The following NAV3 variants were observed in gnomAD, a reference collection of about 807,000 sequenced individuals.
NAV3 encodes the protein neuron navigator 3.
A neutral mutation model predicts 244.7 loss-of-function variants in NAV3; 87 were observed. The observed-to-expected ratio is 0.36, with a 90% CI of 0.30 to 0.42. NAV3 has a LOEUF of 0.42. Among genes scored for constraint, NAV3 ranks in the 20% least tolerant of loss-of-function variants. NAV3 has a pLI of 1.00. For synonymous variants in NAV3, 1,126 were observed against 1,042.2 expected (o/e 1.08, Z -1.55); for missense variants, 2,663 against 2,893.3 (o/e 0.92, Z 1.83).
chr12:77,865,463 C>A (rs140353029), intron 1 of NAV3, among the ~76,000 whole-genome samples: 100 of 152,060 alleles, frequency 6.6e-4, no homozygotes, highest in African/African-American at 2.3e-3. Context: ...ATTTGAGGTT[C>A]TTTTAAACTA....
intron 18 of NAV3, among the ~76,000 whole-genome samples, chr12:78,135,104 T>G (rs1191464771): frequency 6.6e-6 from 1 of 152,220 alleles, no homozygotes; most frequent in Non-Finnish European, 1.5e-5. Flanking sequence ...CACTAGAAGC[T>G]CTTTACCAAT....
chr12:77,798,552 G>A (rs55804497), intron 2 of NAV3, among the ~76,000 whole-genome samples: 18,108 of 46,068 alleles, frequency 0.39, 1,287 homozygotes, highest in East Asian at 0.59. Flanking sequence ...TGAGGAAAGA[G>A]AATAATAGTA....
At chr12:77,675,371 C>A (rs995321679) in intron 2 of NAV3, among the ~76,000 whole-genome samples, 1 of 152,166 alleles carries the variant, frequency 6.6e-6, no homozygotes, top group African/African-American at 2.4e-5. Flanking sequence ...CCAGCAGGAG[C>A]TGAAGCTGCT....
chr12:78,110,593 G>T (rs1027809337), intron 12 of NAV3, among the ~76,000 whole-genome samples: 9 of 151,682 alleles, frequency 5.9e-5, no homozygotes, highest in African/African-American at 2.2e-4. Context: ...TGTAAAAAAA[G>T]AACAAAGCTG....
At chr12:77,631,877 A>G (rs967321795) in intron 2 of NAV3, among the ~76,000 whole-genome samples, 1 of 152,130 alleles carries the variant, frequency 6.6e-6, no homozygotes, top group Non-Finnish European at 1.5e-5. Flanking sequence ...ACTTTCCTAA[A>G]CCACCAAAAT....
chr12:78,102,748 G>A (rs1203939519), intron 12 of NAV3, among the ~76,000 whole-genome samples: 1 of 152,170 alleles, frequency 6.6e-6, no homozygotes, highest in Non-Finnish European at 1.5e-5. Flanking sequence ...GCACCTGCAG[G>A]CTCTCTACCA....
At chr12:78,104,342 AT>A (rs1954693591) in intron 12 of NAV3, among the ~76,000 whole-genome samples, 1 of 152,194 alleles carries the variant, frequency 6.6e-6, no homozygotes, top group Non-Finnish European at 1.5e-5. Context: ...TACAAATGGC[AT>A]TTTCCTCAAA....
intron 2 of NAV3, among the ~76,000 whole-genome samples, chr12:77,752,382 G>A (rs10506759): frequency 0.47 from 72,109 of 151,910 alleles, 17,223 homozygotes; most frequent in Middle Eastern, 0.53. Context: ...CTACCTGAAT[G>A]TACAAATACC....
chr12:77,723,755 C>CTTTTTTTTTTTTT lies in NAV3; in HGVS notation c.72+151500_72+151512dup, dbSNP rs34518266. Among the ~76,000 whole-genome samples, 9 of 67,646 alleles carry CTTTTTTTTTTTTT rather than the reference C, an allele frequency of 1.3e-4. 1 individual carries two copies. Among genetic ancestry groups the CTTTTTTTTTTTTT allele is most frequent in the Non-Finnish European group, 1.6e-4 (6 of 38,462 alleles). 44.4% of individuals were successfully genotyped at this position (67,646 alleles called of 152,430 possible). A position where few individuals can be genotyped will look rare whatever the true frequency, so the allele number is the denominator to read the frequency against. On this transcript the variant is annotated intron_variant, in intron 2 of 8. Coordinates refer to the NAV3 transcript ENST00000550042. The stretch of plus-strand genomic sequence containing the variant: ...AGGAGTTTCTTCTTGGCAATCTTGA[C>CTTTTTTTTTTTTT]TTTTTTTTTTTTTTTTTTTTTTTAC...
intron 3 of NAV3, among the ~76,000 whole-genome samples, chr12:77,964,496 G>A (rs1049976355): frequency 1.3e-5 from 2 of 152,024 alleles, no homozygotes; most frequent in African/African-American, 2.4e-5. Flanking sequence ...ATTTTTAATG[G>A]ATCTTAAAGA....
intron 9 of NAV3, among the ~76,000 whole-genome samples, chr12:78,036,055 C>T (rs1879819359): frequency 6.6e-6 from 1 of 151,912 alleles, no homozygotes; most frequent in Non-Finnish European, 1.5e-5. Flanking sequence ...GAGTGTGTGT[C>T]CGTGTTTGAG....
Position 77,622,881 on chromosome 12 carries a change from A to C in NAV3, c.72+50615A>C, listed in dbSNP as rs1204791855. On this transcript the variant is annotated intron_variant, in intron 2 of 8. Coordinates refer to the NAV3 transcript ENST00000550042. Reference sequence around the variant, plus strand: ...GTGTCTAAAACACTATTGAGACTAGATGCAGAGGTACCAATTCTGTTGTCA... The same window carrying C: ...GTGTCTAAAACACTATTGAGACTAGCTGCAGAGGTACCAATTCTGTTGTCA... Among the ~76,000 whole-genome samples the C allele has an allele frequency of 2.6e-5, 4 of 152,194 alleles. No homozygotes were observed. In the South Asian group the frequency reaches 6.2e-4, roughly 24 times the overall value.
intron 2 of NAV3, among the ~76,000 whole-genome samples, chr12:77,792,374 C>A (rs1209766587): frequency 6.6e-6 from 1 of 152,056 alleles, no homozygotes; most frequent in African/African-American, 2.4e-5. Flanking sequence ...TTTATGTGCC[C>A]ACCTACCATG....
chr12:78,177,096 C>T (rs1282770780), intron 26 of NAV3, 45 bp from the exon 27 acceptor site: 1 of 1,609,170 alleles, frequency 6.2e-7, no homozygotes, highest in African/African-American at 1.3e-5. Flanking sequence ...CAAAAGCTCT[C>T]CAAGTGCAAA....
At chr12:77,855,751 G>A (rs1351670428) in intron 1 of NAV3, among the ~76,000 whole-genome samples, 1 of 152,166 alleles carries the variant, frequency 6.6e-6, no homozygotes, top group Non-Finnish European at 1.5e-5. Flanking sequence ...ATCGATGCAG[G>A]GCCCTAGCCG....
chr12:77,858,253 T>C (rs1312912602), intron 1 of NAV3, among the ~76,000 whole-genome samples: 1 of 151,932 alleles, frequency 6.6e-6, no homozygotes, highest in Non-Finnish European at 1.5e-5. Context: ...AAATTCACTG[T>C]TCATGGGAGG....
intron 1 of NAV3, among the ~76,000 whole-genome samples, chr12:77,910,239 C>A (rs1360852186): frequency 6.6e-6 from 1 of 151,984 alleles, no homozygotes; most frequent in Non-Finnish European, 1.5e-5. Flanking sequence ...CTGATGAGCA[C>A]CTCAGGAAGC....
At chr12:77,828,894 G>C (rs1477576682), upstream of NAV3, among the ~76,000 whole-genome samples, 1 of 152,008 alleles carries the variant, frequency 6.6e-6, no homozygotes, top group Non-Finnish European at 1.5e-5. Context: ...ATACCAATGA[G>C]CTCATTTGTA....
intron 12 of NAV3, among the ~76,000 whole-genome samples, chr12:78,109,155 C>T (rs1213400512): frequency 2.0e-5 from 3 of 151,890 alleles, no homozygotes; most frequent in African/African-American, 7.2e-5. Context: ...AAAGGATCAT[C>T]AGAGACTATT....
Sources: allele counts gnomAD v4.1 joint callset (sites outside exome capture counted in the v4.1 genomes callset), GRCh38; gene constraint gnomAD v4.1.1; transcripts MANE v1.5; gene names NCBI Gene and HGNC (gene_info 2026-07-23, HGNC 2026-07-21).